Variants in TLL1 observed in about 807,000 individuals in gnomAD.
The protein encoded by TLL1 is tolloid like 1.
TLL1 carries 49 observed loss-of-function variants against 128.2 expected under a neutral mutation model. That is an observed-to-expected ratio of 0.38 (90% CI 0.30 to 0.48). The LOEUF (loss-of-function observed/expected upper bound fraction) is 0.48. TLL1 is among the 20% of genes least tolerant of loss of function. TLL1 has a pLI of 0.96. For missense variants in TLL1, 1,123 were observed against 1,242.0 expected, an observed-to-expected ratio of 0.90 and a Z score of 1.44; for synonymous variants, 454 against 418.8, an observed-to-expected ratio of 1.08 and a Z score of -1.03.
chr4:165,994,935 G>A, intron 4 of TLL1, 126 bp from the exon 5 acceptor site: 2 of 749,882 alleles, frequency 2.7e-6, no homozygotes, highest in Non-Finnish European at 4.6e-6. Flanking sequence ...CCATAAACTA[G>A]TATTCTTTGG....
intron 1 of TLL1, chr4:165,919,770 T>G: frequency 4.4e-6 from 2 of 455,868 alleles, no homozygotes; most frequent in South Asian, 3.1e-5. Flanking sequence ...GCAGTATTAG[T>G]GCCTCTTGCA....
At chr4:165,952,188 G>A (rs1236829798) in intron 1 of TLL1, among the ~76,000 whole-genome samples, 1 of 152,134 alleles carries the variant, frequency 6.6e-6, no homozygotes, top group Non-Finnish European at 1.5e-5. Context: ...CAAGGAAAAT[G>A]TGAAATGATG....
At position 166,004,952 on chromosome 4, in the gene TLL1, G is replaced by C. The variant is rs75908222; in HGVS notation, c.811+1383G>C. The stretch of plus-strand genomic sequence containing the variant: ...GCGATCGTTAACTGGGTGGTGGCGG[G>C]GGGGTGCCTGAAGTCCAGGAAACCT... On this transcript the variant is annotated intron_variant, in intron 6 of 20. Coordinates refer to ENST00000061240, the MANE Select transcript of TLL1 (RefSeq NM_012464.5). 4.0e-5 allele frequency among the ~76,000 whole-genome samples: 6 copies of C among 151,258 alleles called. No individual in the cohort carries two copies. In the East Asian group the frequency reaches 5.8e-4, roughly 15 times the overall value.
intron 1 of TLL1, among the ~76,000 whole-genome samples, chr4:165,947,815 G>A (rs1161958927): frequency 1.3e-5 from 2 of 152,116 alleles, no homozygotes; most frequent in African/African-American, 2.4e-5. Context: ...CTGGTCTAAT[G>A]TAGTGAACCC....
intron 9 of TLL1, among the ~76,000 whole-genome samples, chr4:166,036,146 AT>A (rs1234503804): frequency 2.0e-5 from 3 of 150,676 alleles, no homozygotes; most frequent in Non-Finnish European, 1.5e-5. Context: ...AGCCAATAAT[AT>A]CTTAATTGTG....
chr4:166,012,946 T>C (rs1737766863), intron 7 of TLL1, among the ~76,000 whole-genome samples: 1 of 151,804 alleles, frequency 6.6e-6, no homozygotes, highest in African/African-American at 2.4e-5. Context: ...TAGATCATAT[T>C]ACTCCTCTGC....
intron 8 of TLL1, among the ~76,000 whole-genome samples, chr4:166,020,696 G>A (rs1379159896): frequency 6.6e-6 from 1 of 151,954 alleles, no homozygotes; most frequent in Non-Finnish European, 1.5e-5. Flanking sequence ...ATAATCCCAT[G>A]ACCTTTTGCT....
chr4:166,028,331 A>T (rs1738600930), intron 9 of TLL1, among the ~76,000 whole-genome samples: 1 of 151,970 alleles, frequency 6.6e-6, no homozygotes, highest in South Asian at 2.1e-4. Flanking sequence ...TTCTTTGCAA[A>T]CATTGTTTCT....
intron 16 of TLL1, 87 bp from the exon 17 acceptor site, chr4:166,074,791 C>T (rs1740945760): frequency 1.3e-6 from 2 of 1,508,156 alleles, no homozygotes; most frequent in South Asian, 1.1e-5. Context: ...TACCCTTTGG[C>T]AGTGTTAACC....
intron 15 of TLL1, among the ~76,000 whole-genome samples, chr4:166,061,166 T>G (rs1190273719): frequency 6.6e-6 from 1 of 152,110 alleles, no homozygotes; most frequent in African/African-American, 2.4e-5. Flanking sequence ...ATTTGTGGGT[T>G]TTATACCATA....
intron 1 of TLL1, among the ~76,000 whole-genome samples, chr4:165,893,250 C>T (rs1261837702): frequency 6.6e-6 from 1 of 152,164 alleles, no homozygotes; most frequent in Non-Finnish European, 1.5e-5. Context: ...CTACATTTAT[C>T]ATTGTGACTG....
At chr4:166,012,274 G>T (rs1301992247) in intron 7 of TLL1, among the ~76,000 whole-genome samples, 1 of 151,500 alleles carries the variant, frequency 6.6e-6, no homozygotes, top group Non-Finnish European at 1.5e-5. Context: ...GTAAGATTTT[G>T]CATTGCTTAC....
At chr4:165,970,571 C>T (rs1707236398) in intron 1 of TLL1, among the ~76,000 whole-genome samples, 4 of 152,144 alleles carry the variant, frequency 2.6e-5, no homozygotes, top group African/African-American at 9.7e-5. Flanking sequence ...TTAAAATAGA[C>T]ATTATTCTTT....
At chr4:166,008,187 G>A in intron 7 of TLL1, 139 bp downstream of exon 7, 1 of 599,964 alleles carries the variant, frequency 1.7e-6, no homozygotes, top group South Asian at 1.9e-5. Context: ...AATAATTCAT[G>A]AACATTTATA....
chr4:166,007,918 G>T, intron 6 of TLL1, 25 bp from the exon 7 acceptor site: 1 of 1,501,640 alleles, frequency 6.7e-7, no homozygotes, highest in South Asian at 1.1e-5. Flanking sequence ...AGGCTTCTGA[G>T]ATTTTGTTTA....
At chr4:165,882,005 A>C (rs1300708505) in intron 1 of TLL1, among the ~76,000 whole-genome samples, 4 of 152,204 alleles carry the variant, frequency 2.6e-5, no homozygotes, top group Non-Finnish European at 2.9e-5. Flanking sequence ...ATGCAGGTGA[A>C]AAAAATTCAG....
At chr4:165,978,916 C>T (rs1485692391) in intron 1 of TLL1, among the ~76,000 whole-genome samples, 3 of 152,164 alleles carry the variant, frequency 2.0e-5, no homozygotes, top group African/African-American at 7.2e-5. Flanking sequence ...GCTGTTTTCA[C>T]AGCAGAAGAG....
intron 18 of TLL1, among the ~76,000 whole-genome samples, chr4:166,088,485 A>T (rs111262778): frequency 6.6e-6 from 1 of 151,974 alleles, no homozygotes; most frequent in Non-Finnish European, 1.5e-5. Context: ...TATACAAGGG[A>T]CAGACTTCCG....
rs781749374 is a variant in TLL1, at chr4:166,007,998, A to G, written c.867A>G (p.Glu289=). ...MEPGEVNSLG[E]RYDFDSIMHY... is the part of the protein sequence containing the mutation. ...CTGGAGAAGTAAACTCACTTGGAGA[A>G]AGATATGATTTCGACAGTATCATGC... Residue 289 remains glutamate (E), a synonymous_variant, in exon 7 of 21, where the codon GAA becomes GAG. Transcript: ENST00000061240. 3 of 1,610,056 alleles carry G rather than the reference A, an allele frequency of 1.9e-6. No individual in the cohort carries two copies. The Admixed American group carries it at 5.0e-5, about 27-fold the overall frequency.
Sources: gnomAD v4.1 joint callset for allele counts (sites outside exome capture counted in the v4.1 genomes callset) on GRCh38, gnomAD v4.1.1 for gene constraint, MANE v1.5 for transcripts, NCBI Gene and HGNC (gene_info 2026-07-23, HGNC 2026-07-21) for gene names.